The following DNAH1 variants were observed in gnomAD, a reference collection of about 807,000 sequenced individuals.
DNAH1 encodes axonemal beta dynein heavy chain 1.
A neutral mutation model predicts 484.3 loss-of-function variants in DNAH1; 327 were observed. The ratio of observed to expected loss-of-function variants is 0.68; its 90% CI spans 0.62 to 0.74. The LOEUF is 0.74. Ranked by LOEUF, DNAH1 falls within the 30% of genes least tolerant of loss-of-function variation. DNAH1 has a pLI of 0.00. For missense variants in DNAH1, 5,052 were observed against 5,546.8 expected, an observed-to-expected ratio of 0.91 and a Z score of 2.83; for synonymous variants, 2,192 against 2,191.9, an observed-to-expected ratio of 1.00 and a Z score of 0.00.
At chr3:52,319,739 G>C (rs1701077450) in intron 1 of DNAH1, among the ~76,000 whole-genome samples, 1 of 152,234 alleles carries the variant, frequency 6.6e-6, no homozygotes, top group South Asian at 2.1e-4. Context: ...TGTCTGTCTA[G>C]CTCCTGAGTA....
At chr3:52,385,500 A>T (rs1578187564) in intron 54 of DNAH1, 53 bp downstream of exon 54, 4 of 1,461,638 alleles carry the variant, frequency 2.7e-6, no homozygotes, top group South Asian at 2.4e-5. Context: ...GAAGCTCGGC[A>T]CCCCCACACA....
In DNAH1 at chr3:52,360,295, C is replaced by G; in HGVS notation, c.4572-16C>G. ...CATTGCCCCATGGCCAGGCCCTCAT[C>G]TCCCTGCACCGCCAGGTACTACTGG... On this transcript the variant is annotated splice_polypyrimidine_tract_variant and intron_variant, in intron 27 of 77. Transcript: ENST00000420323. 6.2e-7 allele frequency: 1 copy of G among 1,607,400 alleles called. No individual in the cohort carries two copies. Among genetic ancestry groups the G allele is most frequent in the Non-Finnish European group, 8.5e-7 (1 of 1,174,676 alleles).
chr3:52,328,021 A>G lies in DNAH1; in HGVS notation c.871+7A>G. ...GATGACTTCCTGGGGCATGGTGAGC[A>G]AGGCCACTCTGGAGTGGGGACACTA... On this transcript the variant is annotated splice_region_variant and intron_variant, in intron 6 of 77. Transcript: ENST00000420323. 2 of 1,613,158 alleles carry G rather than the reference A, an allele frequency of 1.2e-6. No homozygotes were observed. Among genetic ancestry groups the G allele is most frequent in the African/African-American group, 1.3e-5 (1 of 75,032 alleles).
chr3:52,369,104 C>T (rs1256126201), intron 37 of DNAH1, among the ~76,000 whole-genome samples, 186 bp downstream of exon 37: 1 of 152,192 alleles, frequency 6.6e-6, no homozygotes, highest in African/African-American at 2.4e-5. Flanking sequence ...CCTAGTGCCC[C>T]TCCCTGAGCT....
At chr3:52,359,619 C>T (rs1263532726) in intron 26 of DNAH1, among the ~76,000 whole-genome samples, 1 of 152,208 alleles carries the variant, frequency 6.6e-6, no homozygotes, top group Admixed American at 6.5e-5. Flanking sequence ...CGCCTGGTCC[C>T]TCCTGCACAG....
intron 34 of DNAH1, among the ~76,000 whole-genome samples, chr3:52,366,230 G>A (rs961717097): frequency 2.0e-5 from 3 of 152,244 alleles, no homozygotes; most frequent in African/African-American, 7.2e-5. Flanking sequence ...GGTAGTCACA[G>A]TGGAAAGAAT....
At chr3:52,376,980 T>A (rs1559549252) in intron 46 of DNAH1, among the ~76,000 whole-genome samples, 1 of 151,982 alleles carries the variant, frequency 6.6e-6, no homozygotes, top group Non-Finnish European at 1.5e-5. Context: ...GGCTGCCCAT[T>A]CTCGGCTGGA....
In DNAH1 at chr3:52,362,572, T is replaced by A; in HGVS notation, c.5094+71T>A. On this transcript the variant is annotated intron_variant, in intron 31 of 77. Coordinates refer to ENST00000420323, the MANE Select transcript of DNAH1 (RefSeq NM_015512.5). This position sits in a 1 kb window ranked among gnomAD's most constrained non-coding sequence, Gnocchi z 5.1. ...CTGAGTTCAGAGATGCTAAGCCACT[T>A]ATGCAAGGACACAGTTGCTTGGACT... 2 of 1,349,822 alleles carry A rather than the reference T, an allele frequency of 1.5e-6. No homozygotes were observed. The highest frequency in any genetic ancestry group is 2.1e-6 in the Non-Finnish European group (2 of 965,380). 83.6% of individuals were successfully genotyped at this position (1,349,822 alleles called of 1,614,324 possible). A position where few individuals can be genotyped will look rare whatever the true frequency, so the allele number is the denominator to read the frequency against.
chr3:52,380,922 G>A (rs1703816402), intron 48 of DNAH1, among the ~76,000 whole-genome samples: 1 of 152,178 alleles, frequency 6.6e-6, no homozygotes, highest in South Asian at 2.1e-4. Context: ...CATTTATTAG[G>A]GGAACTCACA....
chr3:52,319,703 A>G (rs1259212377), intron 1 of DNAH1, among the ~76,000 whole-genome samples: 5 of 152,202 alleles, frequency 3.3e-5, no homozygotes, highest in Non-Finnish European at 7.3e-5. Flanking sequence ...CCGCGGCAGG[A>G]GGCAGACTGG....
intron 20 of DNAH1, among the ~76,000 whole-genome samples, chr3:52,354,010 T>C (rs1485249373): frequency 6.6e-6 from 1 of 151,854 alleles, no homozygotes; most frequent in Admixed American, 6.6e-5. Flanking sequence ...CTGGGCAACA[T>C]AGGGAGACCC....
At chr3:52,369,229 C>T (rs1434028332) in intron 37 of DNAH1, among the ~76,000 whole-genome samples, 1 of 152,228 alleles carries the variant, frequency 6.6e-6, no homozygotes, top group Non-Finnish European at 1.5e-5. Flanking sequence ...GCTGATGATG[C>T]CTCTTGCCTC....
intron 44 of DNAH1, chr3:52,374,849 G>T: frequency 9.0e-7 from 1 of 1,113,438 alleles, no homozygotes; most frequent in Non-Finnish European, 1.4e-6. Context: ...AAGAAGCATG[G>T]GTTAAAATAG....
chr3:52,373,991 T>G, intron 44 of DNAH1: 1 of 1,130,134 alleles, frequency 8.8e-7, no homozygotes, highest in Admixed American at 1.9e-5. Flanking sequence ...CTTAAGATTT[T>G]TAGAGTCTGC....
chr3:52,381,382 G>A lies in DNAH1; in HGVS notation c.7609-258G>A, dbSNP rs1703836209. Among the ~76,000 whole-genome samples the A allele has an allele frequency of 6.6e-6, 1 of 152,198 alleles. No homozygotes were observed. The highest frequency in any genetic ancestry group is 1.5e-5 in the Non-Finnish European group (1 of 68,040). On this transcript the variant is annotated intron_variant, in intron 48 of 77. Coordinates refer to ENST00000420323, the MANE Select transcript of DNAH1 (RefSeq NM_015512.5). The surrounding 1 kb of genome is among the most constrained non-coding windows in gnomAD (Gnocchi z 4.1). Reference sequence around the variant, plus strand: ...CCCGCCTTGGCTTCCCACAGTGCTGGGATTACAGGCGTGAGCCACCGCGCT... The same window carrying A: ...CCCGCCTTGGCTTCCCACAGTGCTGAGATTACAGGCGTGAGCCACCGCGCT...
rs1298248998 is a variant in DNAH1 at position 52,353,482 on chromosome 3, A to G, written c.3329A>G (p.His1110Arg). The change falls in exon 20 of 78, where the codon CAC becomes CGC. Residue 1110 changes from histidine to arginine, a missense_variant. This residue lies in a region of DNAH1 where 2,929 missense variants were observed against 3,409.4 expected (regional missense o/e 0.86). Coordinates refer to ENST00000420323, the MANE Select transcript of DNAH1 (RefSeq NM_015512.5). The surrounding 1 kb of genome is among the most constrained non-coding windows in gnomAD (Gnocchi z 5.0). The stretch of plus-strand genomic sequence containing the variant: ...CGCAACCCTGGCATGCGGATCCGGC[A>G]CTGGGAGACACTGTCCAACCAGATC... ...GLRNPGMRIRHWETLSNQINI... is the reference protein window; with the variant it reads ...GLRNPGMRIRRWETLSNQINI... 6.2e-7 allele frequency: 1 copy of G among 1,613,824 alleles called. No homozygotes were observed. Among genetic ancestry groups the G allele is most frequent in the African/African-American group, 1.3e-5 (1 of 74,938 alleles).
intron 8 of DNAH1, 72 bp from the exon 9 acceptor site, chr3:52,344,418 G>T: frequency 6.4e-7 from 1 of 1,563,396 alleles, no homozygotes; most frequent in East Asian, 2.3e-5. Flanking sequence ...TGCCAGAGCA[G>T]AGCTTGGGCC....
intron 10 of DNAH1, 98 bp from the exon 11 acceptor site, chr3:52,346,374 G>C (rs1377155946): frequency 7.6e-7 from 1 of 1,317,248 alleles, no homozygotes; most frequent in African/African-American, 1.5e-5. Flanking sequence ...GATGAGCCCT[G>C]AGCCGCCCCA....
In DNAH1 at chr3:52,370,211, G is replaced by A. The variant is rs1302883143; in HGVS notation, c.6240G>A (p.Lys2080=). The change falls in exon 39 of 78, where the codon AAG becomes AAA. Residue 2080 remains lysine, a synonymous_variant. Transcript: ENST00000420323. The part of the protein sequence containing the change: ...SLLKLLDCFF[K]PFLPREGLKK... ...TCAAGCTGCTGGACTGCTTCTTCAAGCCCTTTCTGCCTAGAGAGGTACAGC... is the reference window on the plus strand; with the variant it reads ...TCAAGCTGCTGGACTGCTTCTTCAAACCCTTTCTGCCTAGAGAGGTACAGC... The A allele has an allele frequency of 6.2e-7, 1 of 1,613,806 alleles. No homozygotes were observed. Among genetic ancestry groups the A allele is most frequent in the African/African-American group, 1.3e-5 (1 of 74,942 alleles).
Sources: gnomAD v4.1 joint callset for allele counts (sites outside exome capture counted in the v4.1 genomes callset) on GRCh38, gnomAD v4.1.1 for gene constraint, gnomAD v4.1.1 regional missense constraint, Gnocchi (gnomAD v3.1) non-coding constraint, MANE v1.5 for transcripts, NCBI Gene and HGNC (gene_info 2026-07-23, HGNC 2026-07-21) for gene names.